The following THSD7A variants were observed in gnomAD, a reference collection of about 807,000 sequenced individuals.
THSD7A encodes thrombospondin type 1 domain containing 7A.
Under a neutral mutation model 231.3 loss-of-function variants are expected in THSD7A, and 96 were observed. The observed-to-expected ratio is 0.41, with a 90% CI of 0.35 to 0.49. THSD7A has a LOEUF of 0.49. Among genes scored for constraint, THSD7A ranks in the 20% least tolerant of loss-of-function variants. The pLI is 0.05. For synonymous variants in THSD7A, 940 were observed against 743.3 expected, an observed-to-expected ratio of 1.26 and a Z score of -4.30; for missense variants, 2,290 against 2,070.2, an observed-to-expected ratio of 1.11 and a Z score of -2.06.
In THSD7A at chr7:11,634,491, A is replaced by G. The variant is rs1407434725; in HGVS notation, c.1022+1639T>C. 2.0e-5 allele frequency among the ~76,000 whole-genome samples: 3 copies of G among 152,168 alleles called. No individual in the cohort carries two copies. Among genetic ancestry groups the G allele is most frequent in the Non-Finnish European group, 2.9e-5 (2 of 68,018 alleles). On this transcript the variant is annotated intron_variant, in intron 2 of 27. Coordinates refer to ENST00000423059, the MANE Select transcript of THSD7A (RefSeq NM_015204.3). The surrounding 1 kb of genome is among the most constrained non-coding windows in gnomAD (Gnocchi z 4.1). ...GCCAAGTAACTAATATAACTGTAAT[A>G]TACTTCAGGAAAAGAGATAAGAAAA... is the stretch of plus-strand genomic sequence containing the variant.
At chr7:11,494,721 A>G (rs1787030046) in intron 6 of THSD7A, among the ~76,000 whole-genome samples, 2 of 152,034 alleles carry the variant, frequency 1.3e-5, no homozygotes, top group South Asian at 4.1e-4. Context: ...CAGGATTTCT[A>G]GTCCATATTC....
chr7:11,453,280 A>C (rs1484813238), intron 11 of THSD7A, among the ~76,000 whole-genome samples: 1 of 151,660 alleles, frequency 6.6e-6, no homozygotes, highest in Non-Finnish European at 1.5e-5. Flanking sequence ...CACATTCCAC[A>C]TTTAGATTTA....
intron 4 of THSD7A, among the ~76,000 whole-genome samples, chr7:11,582,385 C>T (rs529724985): frequency 6.6e-6 from 1 of 151,908 alleles, no homozygotes; most frequent in African/African-American, 2.4e-5. Flanking sequence ...TCAATATTTC[C>T]ACCTTTTTCC....
chr7:11,755,133 G>T (rs375141189), intron 1 of THSD7A, among the ~76,000 whole-genome samples: 1 of 151,950 alleles, frequency 6.6e-6, no homozygotes, highest in Non-Finnish European at 1.5e-5. Flanking sequence ...TGGTCTCTAG[G>T]GGGCGGAGGA....
At chr7:11,810,175 G>A (rs1784493974) in intron 1 of THSD7A, among the ~76,000 whole-genome samples, 1 of 152,150 alleles carries the variant, frequency 6.6e-6, no homozygotes, top group South Asian at 2.1e-4. Flanking sequence ...CCCTGATGTT[G>A]TTGAGAGCAC....
chr7:11,555,215 C>T (rs1342036104), intron 4 of THSD7A, among the ~76,000 whole-genome samples: 2 of 151,738 alleles, frequency 1.3e-5, no homozygotes, highest in Non-Finnish European at 2.9e-5. Flanking sequence ...TCCTCTTTTC[C>T]AATGTAAGCA....
At chr7:11,753,812 G>A (rs1407214286) in intron 1 of THSD7A, among the ~76,000 whole-genome samples, 1 of 151,910 alleles carries the variant, frequency 6.6e-6, no homozygotes, top group African/African-American at 2.4e-5. Context: ...GAGAGACAGA[G>A]AGAAACATAA....
intron 6 of THSD7A, among the ~76,000 whole-genome samples, chr7:11,498,689 A>G (rs1044513184): frequency 6.6e-6 from 1 of 152,154 alleles, no homozygotes; most frequent in African/African-American, 2.4e-5. Flanking sequence ...AGGACCTCCC[A>G]ACTAGGGTCT....
At chr7:11,536,965 T>C (rs1277071819) in intron 6 of THSD7A, among the ~76,000 whole-genome samples, 1 of 152,206 alleles carries the variant, frequency 6.6e-6, no homozygotes, top group East Asian at 1.9e-4. Context: ...ATATATTGCA[T>C]ACAAATTGTA....
chr7:11,424,900 A>T, intron 15 of THSD7A, 71 bp from the exon 16 acceptor site: 9 of 1,565,124 alleles, frequency 5.8e-6, no homozygotes, highest in Non-Finnish European at 7.9e-6. Context: ...TCCACACCAT[A>T]ACAGCAATCA....
intron 6 of THSD7A, chr7:11,519,949 A>G (rs75570462): frequency 0.047 from 7,161 of 152,110 alleles, 195 homozygotes; most frequent in South Asian, 0.074. Context: ...AGTATATTCA[A>G]TTTTTCAGAA....
rs1044372331 is a variant in THSD7A at position 11,741,121 on chromosome 7, A to G, written c.190+90636T>C. Among the ~76,000 whole-genome samples the G allele has an allele frequency of 2.1e-4, 32 of 152,088 alleles. 1 individual carries two copies. The highest frequency in any genetic ancestry group is 7.4e-5 in the Non-Finnish European group (5 of 67,946). On this transcript the variant is annotated intron_variant, in intron 1 of 27. Transcript: ENST00000423059. ...GGAAAAGTGTAAGGGGGAACTCTTA[A>G]TAATTACACTAATACACTAATAATT...
At chr7:11,569,701 C>A (rs573939497) in intron 4 of THSD7A, among the ~76,000 whole-genome samples, 3 of 152,268 alleles carry the variant, frequency 2.0e-5, no homozygotes, top group Non-Finnish European at 2.9e-5. Context: ...ATCAGTGTAT[C>A]AAAGGGATAC....
chr7:11,507,273 G>A (rs1341592971), intron 6 of THSD7A, among the ~76,000 whole-genome samples: 2 of 152,004 alleles, frequency 1.3e-5, no homozygotes, highest in Admixed American at 6.6e-5. Context: ...TTTTTCTGGG[G>A]TGAGTTCATG....
At chr7:11,734,994 G>A (rs915490545) in intron 1 of THSD7A, among the ~76,000 whole-genome samples, 1 of 151,960 alleles carries the variant, frequency 6.6e-6, no homozygotes, top group African/African-American at 2.4e-5. Context: ...ACCTATATAA[G>A]TTGTAACATT....
intron 1 of THSD7A, among the ~76,000 whole-genome samples, chr7:11,811,739 G>A (rs79834581): frequency 0.015 from 2,325 of 152,222 alleles, 52 homozygotes; most frequent in African/African-American, 0.053. Flanking sequence ...ATACAGCAGT[G>A]CACACTAAAT....
chr7:11,761,149 A>G (rs1782845357), intron 1 of THSD7A, among the ~76,000 whole-genome samples: 2 of 152,026 alleles, frequency 1.3e-5, no homozygotes, highest in East Asian at 1.9e-4. Flanking sequence ...TGATTACATC[A>G]AACATCTTTT....
chr7:11,509,865 A>G (rs1445876427), intron 6 of THSD7A, among the ~76,000 whole-genome samples: 1 of 150,044 alleles, frequency 6.7e-6, no homozygotes, highest in African/African-American at 2.5e-5. Context: ...AAATAAGTTA[A>G]ATGACATATT....
At chr7:11,741,744 G>T (rs1782121973) in intron 1 of THSD7A, among the ~76,000 whole-genome samples, 1 of 151,886 alleles carries the variant, frequency 6.6e-6, no homozygotes, top group Admixed American at 6.6e-5. Flanking sequence ...CTATGTTGAT[G>T]ACCTAAACAA....
Sources: allele counts gnomAD v4.1 joint callset (sites outside exome capture counted in the v4.1 genomes callset), GRCh38; gene constraint gnomAD v4.1.1; non-coding constraint Gnocchi (gnomAD v3.1); transcripts MANE v1.5; gene names NCBI Gene and HGNC (gene_info 2026-07-23, HGNC 2026-07-21).